Variants in TSPAN11 observed in about 807,000 individuals in gnomAD.
TSPAN11 encodes tetraspanin-11.
TSPAN11 carries 29 observed loss-of-function variants against 32.9 expected under a neutral mutation model. The observed-to-expected ratio is 0.88, with a 90% CI of 0.66 to 1.20. TSPAN11 has a LOEUF of 1.20. Among genes scored for constraint, TSPAN11 ranks in the 50% most tolerant of loss-of-function variants. The pLI is 0.00. For missense variants in TSPAN11, 283 were observed against 329.1 expected (o/e 0.86, Z 1.08); for synonymous variants, 140 against 141.3 (o/e 0.99, Z 0.07).
At chr12:30,932,753 T>A (rs1220212447) in intron 1 of TSPAN11, among the ~76,000 whole-genome samples, 1 of 152,186 alleles carries the variant, frequency 6.6e-6, no homozygotes, top group Admixed American at 6.5e-5. Context: ...TACAACTCCA[T>A]GGAAGGAACT....
intron 1 of TSPAN11, among the ~76,000 whole-genome samples, chr12:30,936,160 C>T (rs56258374): frequency 0.017 from 2,638 of 151,154 alleles, 70 homozygotes; most frequent in African/African-American, 0.061. Context: ...GAGCCTGGCA[C>T]ATACCTTCTC....
intron 1 of TSPAN11, among the ~76,000 whole-genome samples, chr12:30,951,786 G>A (rs1787002649): frequency 6.6e-6 from 1 of 152,150 alleles, no homozygotes; most frequent in Admixed American, 6.5e-5. Flanking sequence ...CTTCTTTGGA[G>A]CCTCTGCCAC....
intron 1 of TSPAN11, among the ~76,000 whole-genome samples, chr12:30,938,598 C>T (rs1302012385): frequency 6.6e-6 from 1 of 152,208 alleles, no homozygotes; most frequent in Non-Finnish European, 1.5e-5. Context: ...CAGGGGCAGC[C>T]ATTCTCATGG....
At chr12:30,939,815 C>T (rs1258179486) in intron 1 of TSPAN11, among the ~76,000 whole-genome samples, 1 of 152,198 alleles carries the variant, frequency 6.6e-6, no homozygotes, top group Non-Finnish European at 1.5e-5. Flanking sequence ...AGGTCTCACT[C>T]CTCTAAGGAA....
At chr12:31,009,673 C>T in the TSPAN11 span, among the ~76,000 whole-genome samples, 130 of 152,228 alleles carry the variant, frequency 8.5e-4, no homozygotes, top group African/African-American at 2.9e-3. Context: ...GCCATCTGTC[C>T]GTCCACCGCC....
intron 3 of TSPAN11, among the ~76,000 whole-genome samples, chr12:30,971,317 A>C (rs1938846206): frequency 6.6e-6 from 1 of 152,170 alleles, no homozygotes; most frequent in Non-Finnish European, 1.5e-5. Context: ...CAGTTTTATA[A>C]AGTTCTTCAA....
At chr12:30,926,929 G>T in intron 1 of TSPAN11, 133 bp downstream of exon 1, 1 of 1,282,150 alleles carries the variant, frequency 7.8e-7, no homozygotes, top group East Asian at 5.9e-5. Flanking sequence ...TCCCCCGGGC[G>T]GGCAGAGGGA....
At chr12:31,015,799 T>TA in the TSPAN11 span, 1 of 152,168 alleles carries the variant, frequency 6.6e-6, no homozygotes, top group Admixed American at 6.5e-5. The surrounding 1 kb of genome is among the most constrained non-coding windows in gnomAD (Gnocchi z 4.9). Flanking sequence ...CAACCCCCAT[T>TA]ATTTGTTTGA....
At chr12:30,944,486 G>C (rs1051926660) in intron 1 of TSPAN11, among the ~76,000 whole-genome samples, 7 of 152,050 alleles carry the variant, frequency 4.6e-5, no homozygotes, top group African/African-American at 1.4e-4. Flanking sequence ...TTGTCTTCCT[G>C]TGCCTGGCTT....
the TSPAN11 span, among the ~76,000 whole-genome samples, chr12:31,014,317 G>T: frequency 4.7e-3 from 719 of 152,204 alleles, 5 homozygotes; most frequent in African/African-American, 0.016. Flanking sequence ...TGCTACAATG[G>T]TACTACAAAT....
downstream of TSPAN11, chr12:30,999,005 A>G (rs1281746984): frequency 6.6e-6 from 1 of 152,198 alleles, no homozygotes; most frequent in African/African-American, 2.4e-5. Context: ...CTTGATAAAT[A>G]CATCGTAAGT....
intron 5 of TSPAN11, among the ~76,000 whole-genome samples, chr12:30,980,642 G>A (rs988867278): frequency 6.6e-6 from 1 of 152,044 alleles, no homozygotes; most frequent in African/African-American, 2.4e-5. Context: ...AGCCCCAGCG[G>A]CGTCATGGAT....
chr12:30,954,149 C>T (rs1242143548), intron 2 of TSPAN11, 74 bp downstream of exon 2: 1 of 1,105,268 alleles, frequency 9.0e-7, no homozygotes, highest in Non-Finnish European at 1.4e-6. Context: ...TTTTTTGTGT[C>T]ACCACTTTGA....
intron 1 of TSPAN11, among the ~76,000 whole-genome samples, chr12:30,941,149 T>A (rs887150918): frequency 1.3e-5 from 2 of 152,218 alleles, no homozygotes; most frequent in African/African-American, 4.8e-5. Flanking sequence ...TGCATATTTT[T>A]CAACCAAATA....
chr12:30,971,857 T>A (rs956799618), intron 3 of TSPAN11, among the ~76,000 whole-genome samples: 2 of 148,058 alleles, frequency 1.4e-5, no homozygotes, highest in African/African-American at 5.0e-5. Context: ...AAAAAAAAAA[T>A]TGGTTTGGTT....
intron 1 of TSPAN11, among the ~76,000 whole-genome samples, chr12:30,935,219 T>G (rs1938018753): frequency 6.6e-6 from 1 of 151,798 alleles, no homozygotes; most frequent in South Asian, 2.1e-4. Flanking sequence ...GTGGCTCTTC[T>G]CCACAGAAAT....
intron 3 of TSPAN11, among the ~76,000 whole-genome samples, chr12:30,964,924 C>CTT: frequency 6.6e-6 from 1 of 152,178 alleles, no homozygotes; most frequent in East Asian, 1.9e-4. Flanking sequence ...GTTTTGAGCT[C>CTT]TTTTTCAGCA....
In TSPAN11 at chr12:30,982,646, C is replaced by G; in HGVS notation, c.571C>G (p.Arg191Gly). Residue 191 changes from arginine (R) to glycine (G), a missense_variant, in exon 6 of 8, where the codon CGC becomes GGC. Transcript: ENST00000546076. Reference sequence around the variant, plus strand: ...CAGCTGCTGCAAGACAGTGGTGGTGCGCTGCGGCCAGCGGGCCCACCCCTC... The same window carrying G: ...CAGCTGCTGCAAGACAGTGGTGGTGGGCTGCGGCCAGCGGGCCCACCCCTC... ...PDSCCKTVVVRCGQRAHPSNI... is the reference protein window; with the variant it reads ...PDSCCKTVVVGCGQRAHPSNI... The G allele has an allele frequency of 1.2e-6, 2 of 1,607,630 alleles. No individual in the cohort carries two copies. The highest frequency in any genetic ancestry group is 1.7e-6 in the Non-Finnish European group (2 of 1,177,094).
intron 2 of TSPAN11, among the ~76,000 whole-genome samples, chr12:30,958,803 G>C (rs1383555857): frequency 6.6e-6 from 1 of 152,126 alleles, no homozygotes; most frequent in Admixed American, 6.5e-5. Flanking sequence ...GCAGTGTCAG[G>C]CATGGGTCCC....
Sources: allele counts gnomAD v4.1 joint callset (sites outside exome capture counted in the v4.1 genomes callset), GRCh38; gene constraint gnomAD v4.1.1; non-coding constraint Gnocchi (gnomAD v3.1); transcripts MANE v1.5; gene names NCBI Gene and HGNC (gene_info 2026-07-23, HGNC 2026-07-21).